PCDHA2: variants seen among roughly 807,000 people sequenced by gnomAD.
PCDHA2 encodes protocadherin alpha 2.
Under a neutral mutation model 66.0 loss-of-function variants are expected in PCDHA2, and 58 were observed. That is an observed-to-expected ratio of 0.88 (90% confidence interval 0.71 to 1.09). The LOEUF (loss-of-function observed/expected upper bound fraction) is 1.09. PCDHA2 is among the 50% of genes least tolerant of loss of function. The probability of loss-of-function intolerance (pLI) is 0.00; values close to 1 mark genes in which losing one functional copy is unlikely to be tolerated. For missense variants in PCDHA2, 1,267 were observed against 1,242.3 expected, an observed-to-expected ratio of 1.02 and a Z score of -0.30; for synonymous variants, 634 against 554.0, an observed-to-expected ratio of 1.14 and a Z score of -2.03.
At position 140,797,001 on chromosome 5, in the gene PCDHA2, G is replaced by A. The variant is rs376318697; in HGVS notation, c.2037G>A (p.Ser679=). The change falls in exon 1 of 4, where the codon TCG becomes TCA. Residue 679 remains serine (S), a synonymous_variant. Coordinates refer to ENST00000526136, the MANE Select transcript of PCDHA2 (RefSeq NM_018905.3). ...LVESGQAPKA[S]SRAWVGAAGS... ...AAAGTGGCCAGGCACCCAAGGCCTC[G>A]TCGCGGGCGTGGGTGGGCGCCGCGG... 4.3e-6 allele frequency: 7 copies of A among 1,613,590 alleles called. No individual in the cohort carries two copies. Among genetic ancestry groups the A allele is most frequent in the Non-Finnish European group, 5.9e-6 (7 of 1,179,966 alleles).
intron 1 of PCDHA2, chr5:140,853,754 A>G: frequency 1.0e-6 from 1 of 988,728 alleles, no homozygotes; most frequent in Non-Finnish European, 1.2e-6. Context: ...TCAAGGCTCC[A>G]CCTCAGAAAT....
chr5:140,973,549 A>G (rs1040107774), intron 1 of PCDHA2, among the ~76,000 whole-genome samples: 2 of 152,230 alleles, frequency 1.3e-5, no homozygotes, highest in Non-Finnish European at 2.9e-5. Context: ...ATTTATTTCA[A>G]TTACCTCTTT....
chr5:140,843,125 G>A (rs2150353393), intron 1 of PCDHA2: 2 of 1,595,922 alleles, frequency 1.3e-6, no homozygotes, highest in East Asian at 2.2e-5. Flanking sequence ...CGCCGACTCG[G>A]GCTACAACGC....
chr5:140,885,122 T>A (rs191806335), intron 1 of PCDHA2, among the ~76,000 whole-genome samples: 1 of 152,332 alleles, frequency 6.6e-6, no homozygotes, highest in African/African-American at 2.4e-5. Context: ...AGTGCACTTT[T>A]CTTTCTTTCT....
intron 1 of PCDHA2, among the ~76,000 whole-genome samples, chr5:140,827,687 G>T (rs2150148764): frequency 6.6e-6 from 1 of 152,200 alleles, no homozygotes; most frequent in South Asian, 2.1e-4. Context: ...TTGCTGAACT[G>T]GTTGATATTA....
In PCDHA2 at chr5:140,927,655, G is replaced by C. The variant is rs782653279; in HGVS notation, c.2389-51294G>C. On this transcript the variant is annotated intron_variant, in intron 1 of 3. Transcript: ENST00000526136. Reference sequence around the variant, plus strand: ...ACCCAATGGGACTGTGTTATTCCGAGTTCAAGCCTTGGATCCAGATGAAGG... The same window carrying C: ...ACCCAATGGGACTGTGTTATTCCGACTTCAAGCCTTGGATCCAGATGAAGG... The C allele has an allele frequency of 1.2e-5, 20 of 1,614,130 alleles. No individual in the cohort carries two copies. In the Admixed American group the frequency reaches 2.3e-4, roughly 19 times the overall value.
intron 1 of PCDHA2, chr5:140,870,040 A>C: frequency 6.2e-7 from 1 of 1,613,768 alleles, no homozygotes; most frequent in Non-Finnish European, 8.5e-7. Context: ...TGAAGAAAAC[A>C]AGTTTTATAA....
intron 1 of PCDHA2, chr5:140,801,171 C>A: frequency 6.4e-7 from 1 of 1,563,956 alleles, no homozygotes. Flanking sequence ...AATGTAAAGG[C>A]AATCTAATAT....
chr5:140,996,737 T>G (rs887382236), intron 3 of PCDHA2, among the ~76,000 whole-genome samples: 3 of 152,166 alleles, frequency 2.0e-5, no homozygotes, highest in Non-Finnish European at 2.9e-5. Context: ...ACAAAAGTCA[T>G]AACAAATTAT....
chr5:140,961,400 C>T (rs929653995), intron 1 of PCDHA2, among the ~76,000 whole-genome samples: 10 of 152,186 alleles, frequency 6.6e-5, no homozygotes, highest in African/African-American at 2.4e-4. Context: ...TTAGTAAACA[C>T]TTTTTGGCAT....
chr5:140,941,251 C>CT (rs1177440606), intron 1 of PCDHA2, among the ~76,000 whole-genome samples: 1 of 121,786 alleles, frequency 8.2e-6, no homozygotes, highest in Non-Finnish European at 1.8e-5. Context: ...TTCTTTCTTT[C>CT]TTTCTCTTTC....
chr5:140,823,093 G>C lies in PCDHA2; in HGVS notation c.2388+25741G>C, dbSNP rs2150122208. ...GCCTTCGCTGTGGGCCACCGCCAGC[G>C]TGTCTGTGGAAGTGGCCGACGTGAA... On this transcript the variant is annotated intron_variant, in intron 1 of 3. Transcript: ENST00000526136. 7 of 1,614,058 alleles carry C rather than the reference G, an allele frequency of 4.3e-6. No individual in the cohort carries two copies. Among genetic ancestry groups the C allele is most frequent in the South Asian group, 3.3e-5 (3 of 91,080 alleles).
intron 1 of PCDHA2, among the ~76,000 whole-genome samples, chr5:140,940,306 T>C (rs2092590981): frequency 6.6e-6 from 1 of 152,200 alleles, no homozygotes; most frequent in Non-Finnish European, 1.5e-5. Context: ...TAATTTATTA[T>C]CTTTCTTCCA....
intron 1 of PCDHA2, among the ~76,000 whole-genome samples, chr5:140,838,935 TAATAAAATAA>T (rs1186571610): frequency 2.0e-5 from 3 of 151,738 alleles, no homozygotes; most frequent in African/African-American, 7.3e-5. Flanking sequence ...TAAAATGAAA[TAATAAAATAA>T]AATAAAATAA....
chr5:140,828,364 C>T (rs1769717460), intron 1 of PCDHA2: 1 of 1,614,276 alleles, frequency 6.2e-7, no homozygotes, highest in Non-Finnish European at 8.5e-7. Flanking sequence ...CTCGGATCGA[C>T]CGCGAGGAGC....
rs1170903796 is a variant in PCDHA2 at position 140,796,133 on chromosome 5, C to T, written c.1169C>T (p.Thr390Met). The T allele has an allele frequency of 1.2e-6, 2 of 1,614,238 alleles. No homozygotes were observed. Among genetic ancestry groups the T allele is most frequent in the East Asian group, 2.2e-5 (1 of 44,886 alleles). The change falls in exon 1 of 4, where the codon ACG becomes ATG. Residue 390 changes from threonine (T) to methionine (M), a missense_variant. Coordinates refer to ENST00000526136, the MANE Select transcript of PCDHA2 (RefSeq NM_018905.3). ...GTNGHVTCSL[T>M]PHVPFKLVST... ...AATGGACATGTCACCTGCTCCCTGA[C>T]GCCCCACGTCCCTTTCAAGCTGGTG...
intron 1 of PCDHA2, chr5:140,875,742 C>T (rs782079077): frequency 3.1e-6 from 5 of 1,614,218 alleles, no homozygotes; most frequent in South Asian, 1.1e-5. Context: ...ATTCTCGGAT[C>T]GACCGCGAGA....
At chr5:140,880,233 T>C (rs1040125802) in intron 1 of PCDHA2, among the ~76,000 whole-genome samples, 1 of 152,046 alleles carries the variant, frequency 6.6e-6, no homozygotes, top group African/African-American at 2.4e-5. Context: ...TTTAAATTAG[T>C]GTATGTGCGT....
At chr5:140,848,649 C>T in intron 1 of PCDHA2, 3 of 1,593,016 alleles carry the variant, frequency 1.9e-6, no homozygotes, top group Admixed American at 1.7e-5. Context: ...CGCGCAGGAC[C>T]TGGGGCTGGA....
Sources: allele counts gnomAD v4.1 joint callset (sites outside exome capture counted in the v4.1 genomes callset), GRCh38; gene constraint gnomAD v4.1.1; transcripts MANE v1.5; gene names NCBI Gene and HGNC (gene_info 2026-07-23, HGNC 2026-07-21).